The following GRAMD2B variants were observed in gnomAD, a reference collection of about 807,000 sequenced individuals.
GRAMD2B encodes the protein GRAM domain-containing protein 2B.
Under a neutral mutation model 59.2 loss-of-function variants are expected in GRAMD2B, and 41 were observed. The observed-to-expected ratio is 0.69, with a 90% confidence interval of 0.54 to 0.90. The LOEUF (loss-of-function observed/expected upper bound fraction) is 0.90, where lower values mean the gene tolerates loss of function less well. Among genes scored for constraint, GRAMD2B ranks in the 40% least tolerant of loss-of-function variants. The pLI is 0.00. For missense variants in GRAMD2B, 424 were observed against 500.5 expected, an observed-to-expected ratio of 0.85 and a Z score of 1.46; for synonymous variants, 161 against 182.7, an observed-to-expected ratio of 0.88 and a Z score of 0.96.
upstream of GRAMD2B, among the ~76,000 whole-genome samples, chr5:126,368,318 G>A (rs1754562383): frequency 6.6e-6 from 1 of 152,220 alleles, no homozygotes; most frequent in African/African-American, 2.4e-5. Context: ...ACAGTCAAAG[G>A]GCTCAGGCAG....
intron 1 of GRAMD2B, among the ~76,000 whole-genome samples, chr5:126,407,018 A>C (rs1758322674): frequency 6.6e-6 from 1 of 152,026 alleles, no homozygotes; most frequent in South Asian, 2.1e-4. Context: ...ATTTGACATC[A>C]ATGGAGCAGA....
intron 12 of GRAMD2B, among the ~76,000 whole-genome samples, chr5:126,487,847 G>A (rs957644030): frequency 1.3e-5 from 2 of 152,134 alleles, no homozygotes; most frequent in African/African-American, 4.8e-5. Flanking sequence ...CAAAGACCAT[G>A]GGCTCCTCAG....
At chr5:126,407,636 A>G (rs1758376823) in intron 1 of GRAMD2B, among the ~76,000 whole-genome samples, 1 of 151,980 alleles carries the variant, frequency 6.6e-6, no homozygotes, top group South Asian at 2.1e-4. Flanking sequence ...TAGGGTTCAA[A>G]TAGGATTCAA....
upstream of GRAMD2B, among the ~76,000 whole-genome samples, chr5:126,419,806 C>T (rs1475948324): frequency 1.3e-5 from 2 of 152,008 alleles, no homozygotes; most frequent in South Asian, 2.1e-4. Flanking sequence ...CCTGTAATCC[C>T]AGCACTTTGG....
chr5:126,486,675 G>A (rs532215721), intron 11 of GRAMD2B, among the ~76,000 whole-genome samples, 198 bp from the exon 12 acceptor site: 5 of 152,172 alleles, frequency 3.3e-5, no homozygotes, highest in African/African-American at 1.2e-4. Context: ...ACTTGGGCTA[G>A]AGGATTTTAA....
chr5:126,409,579 T>C (rs1384803972), intron 1 of GRAMD2B, among the ~76,000 whole-genome samples: 3 of 152,228 alleles, frequency 2.0e-5, no homozygotes, highest in African/African-American at 7.2e-5. Context: ...TTGTAGGTTC[T>C]GGATATTAGC....
At chr5:126,453,348 G>GAAAAAAA (rs35983190) in intron 1 of GRAMD2B, among the ~76,000 whole-genome samples, 5 of 128,190 alleles carry the variant, frequency 3.9e-5, no homozygotes, top group African/African-American at 5.9e-5. Context: ...CATCTTAAAA[G>GAAAAAAA]AAAAAAAAAA....
chr5:126,428,553 G>T (rs993695676), intron 1 of GRAMD2B, among the ~76,000 whole-genome samples: 3 of 152,178 alleles, frequency 2.0e-5, no homozygotes, highest in Non-Finnish European at 4.4e-5. Flanking sequence ...AGTACATGAA[G>T]TAGTTAAGAA....
chr5:126,399,979 T>A (rs2149737440), intron 1 of GRAMD2B, among the ~76,000 whole-genome samples: 1 of 152,258 alleles, frequency 6.6e-6, no homozygotes, highest in East Asian at 1.9e-4. Flanking sequence ...ATAGTAATTA[T>A]CAATAATACA....
intron 1 of GRAMD2B, among the ~76,000 whole-genome samples, chr5:126,444,140 G>C (rs904995413): frequency 6.6e-6 from 1 of 152,062 alleles, no homozygotes; most frequent in African/African-American, 2.4e-5. Context: ...TTCCAAAGAA[G>C]ATTATTCCAA....
intron 1 of GRAMD2B, among the ~76,000 whole-genome samples, chr5:126,453,440 A>G (rs1381964252): frequency 6.6e-6 from 1 of 152,070 alleles, no homozygotes; most frequent in Non-Finnish European, 1.5e-5. Flanking sequence ...AGTTTGGAGG[A>G]GATATATTCA....
intron 1 of GRAMD2B, among the ~76,000 whole-genome samples, chr5:126,391,410 G>A (rs1007161475): frequency 2.0e-5 from 3 of 148,922 alleles, no homozygotes; most frequent in African/African-American, 7.4e-5. Context: ...TAACAATAAT[G>A]CTTGTACATG....
At chr5:126,485,613 C>T in intron 10 of GRAMD2B, 73 bp from the exon 11 acceptor site, 1 of 846,650 alleles carries the variant, frequency 1.2e-6, no homozygotes, top group Non-Finnish European at 1.9e-6. Context: ...CTCAAGTACC[C>T]CATAGGGATA....
At chr5:126,394,538 TTTGA>T (rs1244217697) in intron 1 of GRAMD2B, among the ~76,000 whole-genome samples, 2 of 152,208 alleles carry the variant, frequency 1.3e-5, no homozygotes, top group Non-Finnish European at 2.9e-5. Context: ...TGTTAAAGTC[TTTGA>T]TTGATTCATT....
chr5:126,414,378 C>G (rs529091523), intron 1 of GRAMD2B, among the ~76,000 whole-genome samples: 1 of 152,130 alleles, frequency 6.6e-6, no homozygotes, highest in Non-Finnish European at 1.5e-5. Context: ...ATTTCCTCAA[C>G]TACTACTAAA....
chr5:126,487,063 C>T, intron 12 of GRAMD2B, 86 bp downstream of exon 12: 1 of 726,634 alleles, frequency 1.4e-6, no homozygotes, highest in Non-Finnish European at 2.5e-6. Context: ...TCTTAGTAAA[C>T]ATTAATTGGA....
chr5:126,428,160 T>C (rs1039025719), intron 1 of GRAMD2B, among the ~76,000 whole-genome samples: 65 of 152,166 alleles, frequency 4.3e-4, no homozygotes, highest in African/African-American at 1.5e-3. Flanking sequence ...GAGGCAGAGG[T>C]TGCAGTGAGC....
At chr5:126,446,012 C>T (rs1445349593) in intron 1 of GRAMD2B, among the ~76,000 whole-genome samples, 1 of 152,154 alleles carries the variant, frequency 6.6e-6, no homozygotes, top group Admixed American at 6.5e-5. Flanking sequence ...TCTCCCAAGT[C>T]CCCTACTGGG....
At chr5:126,401,225 G>A (rs1347354355) in intron 1 of GRAMD2B, among the ~76,000 whole-genome samples, 1 of 151,786 alleles carries the variant, frequency 6.6e-6, no homozygotes, top group East Asian at 1.9e-4. Flanking sequence ...CAAGTTTGTT[G>A]CTTAAGCTCT....
Sources: gnomAD v4.1 joint callset for allele counts (sites outside exome capture counted in the v4.1 genomes callset) on GRCh38, gnomAD v4.1.1 for gene constraint, MANE v1.5 for transcripts, NCBI Gene and HGNC (gene_info 2026-07-23, HGNC 2026-07-21) for gene names.